The following SLC9A4 variants were observed in gnomAD, a reference collection of about 807,000 sequenced individuals.
The protein encoded by SLC9A4 is sodium/hydrogen exchanger 4.
SLC9A4 carries 63 observed loss-of-function variants against 67.4 expected under a neutral mutation model. That is an observed-to-expected ratio of 0.93 (90% CI 0.76 to 1.15). The LOEUF (loss-of-function observed/expected upper bound fraction) is 1.15, where lower values mean the gene tolerates loss of function less well. Ranked by LOEUF, SLC9A4 falls within the 50% of genes most tolerant of loss-of-function variation. The pLI is 0.00. For synonymous variants in SLC9A4, 393 were observed against 367.2 expected, an observed-to-expected ratio of 1.07 and a Z score of -0.80; for missense variants, 1,089 against 987.7, an observed-to-expected ratio of 1.10 and a Z score of -1.38.
At chr2:102,482,774 T>C (rs1288607463) in intron 2 of SLC9A4, among the ~76,000 whole-genome samples, 2 of 152,232 alleles carry the variant, frequency 1.3e-5, no homozygotes, top group African/African-American at 4.8e-5. Flanking sequence ...CTCTCCTTCA[T>C]AAATTATTAC....
At chr2:102,488,584 T>C (rs1212780434) in intron 2 of SLC9A4, among the ~76,000 whole-genome samples, 1 of 150,470 alleles carries the variant, frequency 6.6e-6, no homozygotes, top group Non-Finnish European at 1.5e-5. Flanking sequence ...AGTCTCGCTC[T>C]GTTGCCCAGG....
intron 2 of SLC9A4, among the ~76,000 whole-genome samples, chr2:102,484,021 C>T (rs551055063): frequency 2.0e-5 from 3 of 150,852 alleles, no homozygotes; most frequent in East Asian, 2.0e-4. Context: ...AACAATATCC[C>T]TAGTTAAATC....
rs150689817 is a variant in SLC9A4 at position 102,511,876 on chromosome 2, A to G, written c.1489-327A>G. Among the ~76,000 whole-genome samples the G allele has an allele frequency of 3.0e-4, 46 of 152,040 alleles. No homozygotes were observed. In the East Asian group the frequency reaches 8.3e-3, roughly 27 times the overall value. On this transcript the variant is annotated intron_variant, in intron 6 of 11. Transcript: ENST00000295269. Reference sequence around the variant, plus strand: ...ATGATATATTTTATTATTATTAATTATCCTCCGAGTGATTTCAGTAATGAG... The same window carrying G: ...ATGATATATTTTATTATTATTAATTGTCCTCCGAGTGATTTCAGTAATGAG...
rs920059947 is a variant in SLC9A4, at chr2:102,478,961, T to A, written c.379T>A (p.Ser127Thr). The change falls in exon 2 of 12, where the codon TCC (serine) becomes ACC (threonine). Residue 127 changes from serine (S) to threonine (T), a missense_variant. Transcript: ENST00000295269. ...TDHKSPPVMD[S>T]SIYFLYLLPP... Reference sequence around the variant, plus strand: ...CCACAAATCGCCTCCGGTCATGGACTCCAGCATCTACTTCCTGTATCTCCT... The same window carrying A: ...CCACAAATCGCCTCCGGTCATGGACACCAGCATCTACTTCCTGTATCTCCT... 6.2e-7 allele frequency: 1 copy of A among 1,614,046 alleles called. No homozygotes were observed. Among genetic ancestry groups the A allele is most frequent in the Non-Finnish European group, 8.5e-7 (1 of 1,179,978 alleles).
At chr2:102,477,063 G>T (rs1453169533) in intron 1 of SLC9A4, among the ~76,000 whole-genome samples, 1 of 152,188 alleles carries the variant, frequency 6.6e-6, no homozygotes, top group African/African-American at 2.4e-5. Context: ...CTATGGATGG[G>T]TGAATCTAAC....
At position 102,532,318 on chromosome 2, in the gene SLC9A4, A is replaced by T. The variant is rs755156577; in HGVS notation, c.2039-12A>T. ...CTTGTTCTTTCCCCTTCTTGCCATG[A>T]TGTTTTCCTAGATGATGACAGCAGT... On this transcript the variant is annotated splice_polypyrimidine_tract_variant and intron_variant, in intron 11 of 11. Coordinates refer to ENST00000295269, the MANE Select transcript of SLC9A4 (RefSeq NM_001011552.4). The T allele has an allele frequency of 1.2e-6, 2 of 1,605,062 alleles. No homozygotes were observed. The highest frequency in any genetic ancestry group is 2.2e-5 in the East Asian group (1 of 44,764).
chr2:102,528,166 C>A (rs1674704103), intron 11 of SLC9A4, among the ~76,000 whole-genome samples: 1 of 152,210 alleles, frequency 6.6e-6, no homozygotes, highest in East Asian at 1.9e-4. Flanking sequence ...TGCCACCACA[C>A]CCGGCCAATT....
At chr2:102,480,739 C>A (rs1484277855) in intron 2 of SLC9A4, among the ~76,000 whole-genome samples, 4 of 152,146 alleles carry the variant, frequency 2.6e-5, no homozygotes, top group Admixed American at 6.5e-5. Flanking sequence ...TCCTATCTGC[C>A]TCCTTGGTAA....
In SLC9A4 at chr2:102,479,132, A is replaced by G; in HGVS notation, c.550A>G (p.Lys184Glu). ...GLSLYLICQV[K>E]AFGLGDVNLL... is the part of the protein sequence containing the mutation. ...CTCCCTCTACCTCATCTGCCAGGTGAAGGCCTTTGGCCTGGGCGACGTCAA... is the reference window on the plus strand; with the variant it reads ...CTCCCTCTACCTCATCTGCCAGGTGGAGGCCTTTGGCCTGGGCGACGTCAA... Residue 184 changes from lysine to glutamate, a missense_variant, in exon 2 of 12, where the codon AAG (lysine) becomes GAG (glutamate). Lys to Glu is a moderately conservative substitution (Grantham distance 56). Coordinates refer to ENST00000295269, the MANE Select transcript of SLC9A4 (RefSeq NM_001011552.4). 1 of 1,614,116 alleles carries G rather than the reference A, an allele frequency of 6.2e-7. No homozygotes were observed. The highest frequency in any genetic ancestry group is 8.5e-7 in the Non-Finnish European group (1 of 1,179,998).
chr2:102,497,420 T>G (rs1339733016), intron 2 of SLC9A4, among the ~76,000 whole-genome samples: 2 of 151,902 alleles, frequency 1.3e-5, no homozygotes, highest in Admixed American at 6.6e-5. Flanking sequence ...GAGTTGGGAG[T>G]GGACAAATAT....
At position 102,473,970 on chromosome 2, in the gene SLC9A4, T is replaced by C. The variant is rs754756723; in HGVS notation, c.211T>C (p.Tyr71His). The C allele has an allele frequency of 2.6e-5, 42 of 1,613,934 alleles. No individual in the cohort carries two copies. The highest frequency in any genetic ancestry group is 3.5e-5 in the Non-Finnish European group (41 of 1,179,932). ...ELDYDYVQIP[Y>H]EVTLWILLAS... ...GGATTATGACTATGTGCAAATTCCT[T>C]ATGAGGTCACTCTCTGGATACTTCT... Residue 71 changes from tyrosine (Y) to histidine (H), a missense_variant, in exon 1 of 12, where the codon TAT becomes CAT. Transcript: ENST00000295269.
intron 11 of SLC9A4, among the ~76,000 whole-genome samples, chr2:102,529,656 A>T (rs887355221): frequency 3.3e-5 from 5 of 152,200 alleles, no homozygotes; most frequent in Admixed American, 2.6e-4. Flanking sequence ...CTCCAAACCC[A>T]AAGTCTTTCT....
intron 2 of SLC9A4, among the ~76,000 whole-genome samples, 168 bp downstream of exon 2, chr2:102,479,470 G>A (rs553963277): frequency 1.3e-5 from 2 of 152,298 alleles, no homozygotes; most frequent in Admixed American, 1.3e-4. Flanking sequence ...CTTGGGATCT[G>A]CACTGCCTAC....
intron 2 of SLC9A4, among the ~76,000 whole-genome samples, chr2:102,488,706 GC>G (rs1684640229): frequency 6.6e-6 from 1 of 151,908 alleles, no homozygotes; most frequent in Non-Finnish European, 1.5e-5. Flanking sequence ...CCACCACCAC[GC>G]CCGGCTAATT....
At chr2:102,481,026 A>T (rs1344243033) in intron 2 of SLC9A4, among the ~76,000 whole-genome samples, 1 of 152,092 alleles carries the variant, frequency 6.6e-6, no homozygotes, top group African/African-American at 2.4e-5. Context: ...GTTGGCAGGG[A>T]CCTAAGACCT....
chr2:102,530,382 C>A (rs906327210), intron 11 of SLC9A4, among the ~76,000 whole-genome samples: 2 of 152,192 alleles, frequency 1.3e-5, no homozygotes, highest in African/African-American at 4.8e-5. Flanking sequence ...TACCTGGGTG[C>A]CCATGTGGAG....
chr2:102,508,323 A>G, intron 5 of SLC9A4, 42 bp downstream of exon 5: 1 of 1,481,818 alleles, frequency 6.7e-7, no homozygotes, highest in Non-Finnish European at 9.2e-7. Context: ...AGGTTATTTC[A>G]GGACAATGTA....
intron 2 of SLC9A4, among the ~76,000 whole-genome samples, chr2:102,495,759 TGGAAG>T (rs1684794542): frequency 6.6e-6 from 1 of 152,246 alleles, no homozygotes; most frequent in Admixed American, 6.5e-5. Context: ...GGCAATTCAA[TGGAAG>T]GCAAAGTCTG....
chr2:102,525,232 G>A (rs1674638475), intron 10 of SLC9A4, 77 bp downstream of exon 10: 1 of 1,587,184 alleles, frequency 6.3e-7, no homozygotes, highest in African/African-American at 1.3e-5. Flanking sequence ...TCCTGTACAG[G>A]ATCTCACATG....
Sources: allele counts gnomAD v4.1 joint callset (sites outside exome capture counted in the v4.1 genomes callset), GRCh38; gene constraint gnomAD v4.1.1; transcripts MANE v1.5; gene names NCBI Gene and HGNC (gene_info 2026-07-23, HGNC 2026-07-21).